BRD8: variants seen among roughly 807,000 people sequenced by gnomAD.
The protein encoded by BRD8 is bromodomain containing 8.
A neutral mutation model predicts 143.1 loss-of-function variants in BRD8; 67 were observed. That is an observed-to-expected ratio of 0.47 (90% CI 0.38 to 0.57). The LOEUF is 0.57. Ranked by LOEUF, BRD8 falls within the 20% of genes least tolerant of loss-of-function variation. BRD8 has a pLI of 0.00. For synonymous variants in BRD8, 505 were observed against 517.1 expected, an observed-to-expected ratio of 0.98 and a Z score of 0.32; for missense variants, 1,103 against 1,503.0, an observed-to-expected ratio of 0.73 and a Z score of 4.40.
In BRD8 at chr5:138,151,986, C is replaced by T. The variant is rs1181562157; in HGVS notation, c.2856+496G>A. 2.1e-4 allele frequency among the ~76,000 whole-genome samples: 32 copies of T among 152,228 alleles called. 1 individual carries two copies. The highest frequency in any genetic ancestry group is 2.0e-3 in the Admixed American group (31 of 15,276). On this transcript the variant is annotated intron_variant, in intron 21 of 26. Transcript: ENST00000254900. ...TCTCCTGCCTCAGCCTCCCGAGCAG[C>T]TGGGATTACAGGCGCCCGCCACCAC...
At chr5:138,168,477 G>A in intron 8 of BRD8, 1 of 1,604,190 alleles carries the variant, frequency 6.2e-7, no homozygotes, top group Non-Finnish European at 8.5e-7. Flanking sequence ...TACCAGTCTG[G>A]GGCTAGTAGG....
At chr5:138,157,112 C>A in intron 20 of BRD8, 1 of 1,589,474 alleles carries the variant, frequency 6.3e-7, no homozygotes, top group East Asian at 2.2e-5. Flanking sequence ...ACCTCCTCTT[C>A]TGTAACTTCC....
At position 138,164,964 on chromosome 5, in the gene BRD8, C is replaced by T; in HGVS notation, c.1481G>A (p.Gly494Glu). The change falls in exon 12 of 27, where the codon GGA becomes GAA. Residue 494 changes from glycine to glutamate, a missense_variant. Coordinates refer to ENST00000254900, the MANE Select transcript of BRD8 (RefSeq NM_139199.2). ...RLDFEETENKGIHELVDIREP... is the reference protein window; with the variant it reads ...RLDFEETENKEIHELVDIREP... Reference sequence around the variant, plus strand: ...CCTGATGTCCACCAGTTCATGTATTCCCTTGTTTTCCGTTTCCTCAAAGTC... The same window carrying T: ...CCTGATGTCCACCAGTTCATGTATTTCCTTGTTTTCCGTTTCCTCAAAGTC... The T allele has an allele frequency of 1.9e-6, 3 of 1,614,180 alleles. No individual in the cohort carries two copies. The highest frequency in any genetic ancestry group is 2.2e-5 in the South Asian group (2 of 91,082).
At chr5:138,141,023 G>A in intron 25 of BRD8, 141 bp from the exon 26 acceptor site, 1 of 845,146 alleles carries the variant, frequency 1.2e-6, no homozygotes, top group Non-Finnish European at 1.9e-6. Context: ...TAATAAAATA[G>A]CAACAGCAGT....
chr5:138,145,344 G>A, intron 24 of BRD8, 99 bp from the exon 25 acceptor site: 1 of 1,005,668 alleles, frequency 9.9e-7, no homozygotes, highest in Non-Finnish European at 1.5e-6. Context: ...TTAGGGGAAT[G>A]CAGACTGTCA....
At chr5:138,173,398 A>C (rs1472972983) in intron 2 of BRD8, among the ~76,000 whole-genome samples, 2 of 14,280 alleles carry the variant, frequency 1.4e-4, no homozygotes, top group African/African-American at 3.6e-3. Context: ...ACTCCATCTC[A>C]AAAAAAAAAA....
intron 21 of BRD8, 110 bp downstream of exon 21, chr5:138,152,372 G>C: frequency 4.9e-6 from 7 of 1,420,738 alleles, no homozygotes; most frequent in Non-Finnish European, 6.7e-6. Context: ...TGCCACTGTG[G>C]AGCTTATATT....
chr5:138,159,736 T>C, intron 19 of BRD8, 137 bp from the exon 20 acceptor site: 9 of 794,760 alleles, frequency 1.1e-5, no homozygotes, highest in African/African-American at 1.7e-5. Context: ...AGGAAAGAGA[T>C]CCAAAAGCAA....
At chr5:138,145,649 T>C (rs1752118653) in intron 24 of BRD8, 140 bp downstream of exon 24, 2 of 698,324 alleles carry the variant, frequency 2.9e-6, no homozygotes, top group East Asian at 2.7e-5. Context: ...TACTTTGGGA[T>C]AAATCGGGCT....
rs201918313 is a variant in BRD8, at chr5:138,157,181, C to T, written c.2577+2374G>A. The T allele has an allele frequency of 7.1e-5, 115 of 1,611,304 alleles. 1 individual carries two copies. The highest frequency in any genetic ancestry group is 1.8e-4 in the Admixed American group (11 of 59,908). Reference sequence around the variant, plus strand: ...ATCTTGTTTACTTTTATTTTAGGTTCGGCTCAAAGAGGGTAACTCTGAGGC... The same window carrying T: ...ATCTTGTTTACTTTTATTTTAGGTTTGGCTCAAAGAGGGTAACTCTGAGGC... On this transcript the variant is annotated intron_variant, in intron 20 of 26. Coordinates refer to ENST00000254900, the MANE Select transcript of BRD8 (RefSeq NM_139199.2).
chr5:138,153,395 T>C (rs1752443563), intron 20 of BRD8, among the ~76,000 whole-genome samples: 1 of 152,198 alleles, frequency 6.6e-6, no homozygotes, highest in South Asian at 2.1e-4. Context: ...TCTATGTTCA[T>C]GCTTGGTCCT....
chr5:138,178,407 TGA>T (rs1399732232), intron 1 of BRD8, among the ~76,000 whole-genome samples, 187 bp downstream of exon 1: 1 of 152,158 alleles, frequency 6.6e-6, no homozygotes, highest in Non-Finnish European at 1.5e-5. Context: ...GCTCTCTCCC[TGA>T]GAAACAAGAC....
chr5:138,169,236 C>T lies in BRD8; in HGVS notation c.628G>A (p.Glu210Lys). The T allele has an allele frequency of 6.2e-7, 1 of 1,614,010 alleles. No homozygotes were observed. Among genetic ancestry groups the T allele is most frequent in the Non-Finnish European group, 8.5e-7 (1 of 1,179,990 alleles). The change falls in exon 8 of 27, where the codon GAG (glutamate) becomes AAG (lysine). Residue 210 changes from glutamate (E) to lysine (K), a missense_variant. Glu to Lys is a moderately conservative substitution (Grantham distance 56). Around this residue, in one of 7 missense-constraint regions of BRD8, gnomAD observed 334 missense variants for 372.5 expected, o/e 0.90. Coordinates refer to ENST00000254900, the MANE Select transcript of BRD8 (RefSeq NM_139199.2). ...LGDLTPTTME[E>K]ATSGVNESEM... The stretch of plus-strand genomic sequence containing the variant: ...AATATACTCACCCCAGAGGTAGCCT[C>T]TTCCATAGTGGTTGGAGTCAAGTCC...
At chr5:138,156,781 A>G in intron 20 of BRD8, 1 of 942,394 alleles carries the variant, frequency 1.1e-6, no homozygotes, top group Non-Finnish European at 1.3e-6. Context: ...TAACAATCTC[A>G]TTCCTACAAA....
chr5:138,154,257 T>C (rs1192034088), intron 20 of BRD8, among the ~76,000 whole-genome samples: 1 of 152,090 alleles, frequency 6.6e-6, no homozygotes, highest in African/African-American at 2.4e-5. Context: ...TAGCCTTATT[T>C]TGTTCCCTTC....
At chr5:138,151,265 C>T (rs1203918400) in intron 21 of BRD8, among the ~76,000 whole-genome samples, 4 of 152,198 alleles carry the variant, frequency 2.6e-5, no homozygotes, top group African/African-American at 9.7e-5. Context: ...TTTTTCATCT[C>T]AGCTGTCAAC....
At position 138,150,844 on chromosome 5, in the gene BRD8, T is replaced by C; in HGVS notation, c.3021A>G (p.Leu1007=). 2 of 1,614,244 alleles carry C rather than the reference T, an allele frequency of 1.2e-6. No homozygotes were observed. The highest frequency in any genetic ancestry group is 1.7e-6 in the Non-Finnish European group (2 of 1,180,034). ...TTTCTCCCAGTGGCTTTTCAGCTAC[T>C]AAGGGGTCTCCTTTAGCTGAAAGCT... ...TEELSAKGDP[L]VAEKPLGENG... Residue 1007 remains leucine, a synonymous_variant, in exon 22 of 27, where the codon TTA becomes TTG. Transcript: ENST00000254900.
chr5:138,144,917 AAATAT>A, intron 25 of BRD8, among the ~76,000 whole-genome samples: 1 of 125,666 alleles, frequency 8.0e-6, no homozygotes, highest in Middle Eastern at 4.4e-3. Flanking sequence ...AAAAAAAAAA[AAATAT>A]ATATATATAT....
chr5:138,172,405 C>A (rs1294530182), intron 2 of BRD8, among the ~76,000 whole-genome samples: 1 of 150,780 alleles, frequency 6.6e-6, no homozygotes, highest in Non-Finnish European at 1.5e-5. Flanking sequence ...CACCTGTAGT[C>A]CCAGCTACTC....
Sources: gnomAD v4.1 joint callset for allele counts (sites outside exome capture counted in the v4.1 genomes callset) on GRCh38, gnomAD v4.1.1 for gene constraint, gnomAD v4.1.1 regional missense constraint, MANE v1.5 for transcripts, NCBI Gene and HGNC (gene_info 2026-07-23, HGNC 2026-07-21) for gene names.